SPEM2: variants seen among roughly 807,000 people sequenced by gnomAD.
SPEM2 encodes the protein uncharacterized protein SPEM2.
SPEM2 carries 15 observed loss-of-function variants against 9.3 expected under a neutral mutation model. The ratio of observed to expected loss-of-function variants is 1.62; its 90% CI spans 1.08 to 2.50. The LOEUF is 2.50. SPEM2 is among the 30% of genes most tolerant of loss of function. The pLI is 0.00. For missense variants in SPEM2, 678 were observed against 690.0 expected (o/e 0.98, Z 0.19); for synonymous variants, 268 against 272.4 (o/e 0.98, Z 0.16).
rs1438346222 is a variant in SPEM2 at position 7,426,870 on chromosome 17, C to A, written c.879C>A (p.Val293=). The A allele has an allele frequency of 2.7e-5, 44 of 1,612,792 alleles. No homozygotes were observed. Among genetic ancestry groups the A allele is most frequent in the Non-Finnish European group, 3.6e-5 (43 of 1,179,708 alleles). The change falls in exon 3 of 3, where the codon GTC becomes GTA. Residue 293 remains valine, a synonymous_variant. Transcript: ENST00000333870. This position sits in a 1 kb window ranked among gnomAD's most constrained non-coding sequence, Gnocchi z 5.3. ...GGCTGCCCCCTAACCCCTCTTGGGT[C>A]CCCGTGGGGCACAGCCCTTACCCCT... ...PHRLPPNPSW[V]PVGHSPYPSV... is the part of the protein sequence containing the mutation.
Position 7,426,545 on chromosome 17 carries a change from TGGA to T in SPEM2, c.564_566del (p.Glu188del), listed in dbSNP as rs566851338. The T allele has an allele frequency of 1.2e-3, 1,932 of 1,614,148 alleles. No individual in the cohort carries two copies. Among genetic ancestry groups the T allele is most frequent in the Admixed American group, 2.6e-3 (158 of 60,016 alleles). Reference sequence around the variant, plus strand: ...GATCAGGAGGACCCGGATTCCTACCTGGAGGAGGAGGACAACCTGCCCTTCCCG... The same window carrying T: ...GATCAGGAGGACCCGGATTCCTACCTGGAGGAGGACAACCTGCCCTTCCCG... On this transcript the variant is annotated inframe_deletion, in exon 3 of 3. Coordinates refer to ENST00000333870, the MANE Select transcript of SPEM2 (RefSeq NM_175734.5). This position sits in a 1 kb window ranked among gnomAD's most constrained non-coding sequence, Gnocchi z 5.3.
In SPEM2 at chr17:7,427,163, C is replaced by T. The variant is rs904698091; in HGVS notation, c.1172C>T (p.Ala391Val). 1.5e-5 allele frequency: 25 copies of T among 1,613,650 alleles called. No homozygotes were observed. Among genetic ancestry groups the T allele is most frequent in the Non-Finnish European group, 1.9e-5 (23 of 1,179,902 alleles). The change falls in exon 3 of 3, where the codon GCT (alanine) becomes GTT (valine). Residue 391 changes from alanine (A) to valine (V), a missense_variant. By Grantham distance (64) the Ala-to-Val change is moderately conservative. Coordinates refer to ENST00000333870, the MANE Select transcript of SPEM2 (RefSeq NM_175734.5). This position sits in a 1 kb window ranked among gnomAD's most constrained non-coding sequence, Gnocchi z 5.4. ...CGTCGGGCAGCTGACTGGGCTGAGG[C>T]TCTGCCCGCCTGGCGTCCTCTGACT... Reference protein sequence around the residue: ...VRRRAADWAEALPAWRPLTTS... With the variant: ...VRRRAADWAEVLPAWRPLTTS...
rs373604431 is a variant in SPEM2 at position 7,426,117 on chromosome 17, A to G, written c.196+67A>G. The G allele has an allele frequency of 2.4e-4, 383 of 1,613,350 alleles. 5 individuals carry two copies. The South Asian group carries it at 3.3e-3, about 14-fold the overall frequency. On this transcript the variant is annotated intron_variant, in intron 2 of 2. Transcript: ENST00000333870. This position sits in a 1 kb window ranked among gnomAD's most constrained non-coding sequence, Gnocchi z 5.3. Reference sequence around the variant, plus strand: ...CCCCTGACAATGGCCCTAGAAACCCAGGCCCCAGTGTTCCCAACCTTGAGC... The same window carrying G: ...CCCCTGACAATGGCCCTAGAAACCCGGGCCCCAGTGTTCCCAACCTTGAGC...
At chr17:7,425,913 G>C in intron 1 of SPEM2, 80 bp from the exon 2 acceptor site, 1 of 1,611,700 alleles carries the variant, frequency 6.2e-7, no homozygotes, top group Non-Finnish European at 8.5e-7. Flanking sequence ...CTGCAGGTGC[G>C]GTCTAGATTG....
Position 7,427,459 on chromosome 17 carries a change from C to A in SPEM2, c.1468C>A (p.Pro490Thr), listed in dbSNP as rs751504429. The A allele has an allele frequency of 1.3e-5, 21 of 1,600,110 alleles. No individual in the cohort carries two copies. The highest frequency in any genetic ancestry group is 1.7e-5 in the Admixed American group (1 of 59,258). ...LPPASTSTLR[P>T]SLHRSQTEKL... is the part of the protein sequence containing the mutation. ...ACCGGCTTCCACCTCCACCTTGAGG[C>A]CCTCTCTGCACAGGAGCCAGACCGA... is the stretch of plus-strand genomic sequence containing the variant. The change falls in exon 3 of 3, where the codon CCC (proline) becomes ACC (threonine). Residue 490 changes from proline (P) to threonine (T), a missense_variant. Coordinates refer to ENST00000333870, the MANE Select transcript of SPEM2 (RefSeq NM_175734.5). This position sits in a 1 kb window ranked among gnomAD's most constrained non-coding sequence, Gnocchi z 5.4.
At position 7,426,678 on chromosome 17, in the gene SPEM2, GC is replaced by G; in HGVS notation, c.689del (p.Pro230HisfsTer18). On this transcript the variant is annotated frameshift_variant, in exon 3 of 3. Transcript: ENST00000333870. LOFTEE classifies it low-confidence loss of function (END_TRUNC). This position sits in a 1 kb window ranked among gnomAD's most constrained non-coding sequence, Gnocchi z 5.3. ...GHQGGILASL[P>X]PPSLYLSPEL... ...ACCAGGGTGGTATCCTGGCCAGTCTGCCACCACCCTCTCTCTACCTGTCACC... is the reference window on the plus strand; with the variant it reads ...ACCAGGGTGGTATCCTGGCCAGTCTGCACCACCCTCTCTCTACCTGTCACC... 1 of 1,613,984 alleles carries G rather than the reference GC, an allele frequency of 6.2e-7. No individual in the cohort carries two copies. Among genetic ancestry groups the G allele is most frequent in the Non-Finnish European group, 8.5e-7 (1 of 1,179,998 alleles).
Position 7,427,477 on chromosome 17 carries a change from C to G in SPEM2, c.1486C>G (p.Gln496Glu), listed in dbSNP as rs1368402258. The G allele has an allele frequency of 1.9e-6, 3 of 1,578,368 alleles. No individual in the cohort carries two copies. Among genetic ancestry groups the G allele is most frequent in the Non-Finnish European group, 2.6e-6 (3 of 1,160,246 alleles). ...CTTGAGGCCCTCTCTGCACAGGAGC[C>G]AGACCGAGAAACTCAACTGACCAGC... ...STLRPSLHRS[Q>E]TEKLN The change falls in exon 3 of 3, where the codon CAG (glutamine) becomes GAG (glutamate). Residue 496 changes from glutamine (Q) to glutamate (E), a missense_variant. By Grantham distance (29) the Gln-to-Glu change is conservative (BLOSUM62 2). Coordinates refer to ENST00000333870, the MANE Select transcript of SPEM2 (RefSeq NM_175734.5). This position sits in a 1 kb window ranked among gnomAD's most constrained non-coding sequence, Gnocchi z 5.4.
In SPEM2 at chr17:7,426,741, G is replaced by T. The variant is rs1907624646; in HGVS notation, c.750G>T (p.Arg250Ser). 6.2e-7 allele frequency: 1 copy of T among 1,610,524 alleles called. No homozygotes were observed. Among genetic ancestry groups the T allele is most frequent in the Non-Finnish European group, 8.5e-7 (1 of 1,178,064 alleles). Residue 250 changes from arginine (R) to serine (S), a missense_variant, in exon 3 of 3, where the codon AGG (arginine) becomes AGT (serine). Physicochemically the swap from Arg to Ser is moderately radical, Grantham distance 110. Coordinates refer to ENST00000333870, the MANE Select transcript of SPEM2 (RefSeq NM_175734.5). This position sits in a 1 kb window ranked among gnomAD's most constrained non-coding sequence, Gnocchi z 5.3. The part of the protein sequence containing the change: ...LRCMPKRVEA[R>S]SELRLQSYGR... ...GCATGCCCAAGCGTGTAGAGGCCAGGTCTGAGCTGAGGCTGCAGTCCTATG... is the reference window on the plus strand; with the variant it reads ...GCATGCCCAAGCGTGTAGAGGCCAGTTCTGAGCTGAGGCTGCAGTCCTATG...
Position 7,425,657 on chromosome 17 carries a change from G to T in SPEM2, c.-32G>T. On this transcript the variant is annotated 5_prime_UTR_variant, in exon 1 of 3. Coordinates refer to ENST00000333870, the MANE Select transcript of SPEM2 (RefSeq NM_175734.5). ...GGGCCGGGGGTGGGGGGCAGAGGGG[G>T]GTGGCCCAGGTGGCCCTAGGACCCC... 6.2e-7 allele frequency: 1 copy of T among 1,606,276 alleles called. No homozygotes were observed. The highest frequency in any genetic ancestry group is 8.5e-7 in the Non-Finnish European group (1 of 1,175,854).
Position 7,427,009 on chromosome 17 carries a change from C to T in SPEM2, c.1018C>T (p.Arg340Trp), listed in dbSNP as rs569918028. ...RNARPEAQGC[R>W]EHHSPQSHQQ... ...CGCCCGGCCTGAGGCCCAGGGCTGC[C>T]GGGAGCACCACTCCCCACAGTCCCA... is the stretch of plus-strand genomic sequence containing the variant. The change falls in exon 3 of 3, where the codon CGG becomes TGG. Residue 340 changes from arginine (R) to tryptophan (W), a missense_variant. Coordinates refer to ENST00000333870, the MANE Select transcript of SPEM2 (RefSeq NM_175734.5). This position sits in a 1 kb window ranked among gnomAD's most constrained non-coding sequence, Gnocchi z 5.4. 172 of 1,611,482 alleles carry T rather than the reference C, an allele frequency of 1.1e-4. No individual in the cohort carries two copies. The South Asian group carries it at 1.4e-3, about 13-fold the overall frequency.
Position 7,426,893 on chromosome 17 carries a change from C to T in SPEM2, c.902C>T (p.Pro301Leu). 1 of 1,613,400 alleles carries T rather than the reference C, an allele frequency of 6.2e-7. No homozygotes were observed. The stretch of plus-strand genomic sequence containing the variant: ...GTCCCCGTGGGGCACAGCCCTTACC[C>T]CTCAGTGGGCTGGATGCTGTATGAC... ...SWVPVGHSPYPSVGWMLYDSW... is the reference protein window; with the variant it reads ...SWVPVGHSPYLSVGWMLYDSW... Residue 301 changes from proline to leucine, a missense_variant, in exon 3 of 3, where the codon CCC (proline) becomes CTC (leucine). Transcript: ENST00000333870. The surrounding 1 kb of genome is among the most constrained non-coding windows in gnomAD (Gnocchi z 5.3).
rs767671028 is a variant in SPEM2 at position 7,426,374 on chromosome 17, GCCGCCGCCA to G, written c.390_398del (p.His131_Arg133del). ...CTTCTTCGCTGTGTTCGTCGCCGCCGCCGCCGCCACCGCCGTTGTCGCCGTCGCTGCTGC... is the reference window on the plus strand; with the variant it reads ...CTTCTTCGCTGTGTTCGTCGCCGCCGCCGCCGTTGTCGCCGTCGCTGCTGC... On this transcript the variant is annotated inframe_deletion, in exon 3 of 3. Coordinates refer to ENST00000333870, the MANE Select transcript of SPEM2 (RefSeq NM_175734.5). The surrounding 1 kb of genome is among the most constrained non-coding windows in gnomAD (Gnocchi z 5.3). 1.9e-6 allele frequency: 3 copies of G among 1,613,326 alleles called. No homozygotes were observed. The African/African-American group carries it at 4.0e-5, about 22-fold the overall frequency.
chr17:7,427,365 C>T lies in SPEM2; in HGVS notation c.1374C>T (p.Tyr458=). 6.2e-7 allele frequency: 1 copy of T among 1,614,066 alleles called. No homozygotes were observed. Among genetic ancestry groups the T allele is most frequent in the Non-Finnish European group, 8.5e-7 (1 of 1,180,010 alleles). ...GGAATCCAGGGGGCAATGCCAACTA[C>T]CAGGTGTACGACAGCCTGGAGCTGA... The part of the protein sequence containing the change: ...LSRNPGGNAN[Y]QVYDSLELKR... The change falls in exon 3 of 3, where the codon TAC becomes TAT. Residue 458 remains tyrosine (Y), a synonymous_variant. Coordinates refer to ENST00000333870, the MANE Select transcript of SPEM2 (RefSeq NM_175734.5). The surrounding 1 kb of genome is among the most constrained non-coding windows in gnomAD (Gnocchi z 5.4).
In SPEM2 at chr17:7,426,222, TC is replaced by T; in HGVS notation, c.236del (p.Pro79GlnfsTer18). ...AGGCCAGTGAAAGTCCCCCAAGTGG[TC>T]CCCCAGACAAGGCTCAGGATGTCCA... Reference protein sequence around the residue: ...IQASESPPSGPPDKAQDVHIH... With the variant: ...IQASESPPSGXPDKAQDVHIH... On this transcript the variant is annotated frameshift_variant, in exon 3 of 3. Transcript: ENST00000333870. LOFTEE classifies it low-confidence loss of function (END_TRUNC). The surrounding 1 kb of genome is among the most constrained non-coding windows in gnomAD (Gnocchi z 5.3). The T allele has an allele frequency of 6.2e-7, 1 of 1,613,744 alleles. No homozygotes were observed. The highest frequency in any genetic ancestry group is 2.2e-5 in the East Asian group (1 of 44,870).
Position 7,427,318 on chromosome 17 carries a change from A to G in SPEM2, c.1327A>G (p.Thr443Ala). ...VQAADPAPPP[T>A]MFVPLSRNPG... ...GGCTGCGGACCCTGCCCCTCCCCCG[A>G]CCATGTTTGTCCCACTCAGCCGGAA... The change falls in exon 3 of 3, where the codon ACC becomes GCC. Residue 443 changes from threonine to alanine, a missense_variant. Coordinates refer to ENST00000333870, the MANE Select transcript of SPEM2 (RefSeq NM_175734.5). The surrounding 1 kb of genome is among the most constrained non-coding windows in gnomAD (Gnocchi z 5.4). 1 of 1,613,798 alleles carries G rather than the reference A, an allele frequency of 6.2e-7. No homozygotes were observed. Among genetic ancestry groups the G allele is most frequent in the Non-Finnish European group, 8.5e-7 (1 of 1,179,920 alleles).
chr17:7,427,371 G>A lies in SPEM2; in HGVS notation c.1380G>A (p.Val460=). ...RNPGGNANYQ[V]YDSLELKRQV... ...CAGGGGGCAATGCCAACTACCAGGT[G>A]TACGACAGCCTGGAGCTGAAGCGGC... The change falls in exon 3 of 3, where the codon GTG becomes GTA. Residue 460 remains valine (V), a synonymous_variant. Coordinates refer to ENST00000333870, the MANE Select transcript of SPEM2 (RefSeq NM_175734.5). The surrounding 1 kb of genome is among the most constrained non-coding windows in gnomAD (Gnocchi z 5.4). The A allele has an allele frequency of 6.2e-7, 1 of 1,614,078 alleles. No individual in the cohort carries two copies.
chr17:7,427,307 C>T lies in SPEM2; in HGVS notation c.1316C>T (p.Ala439Val), dbSNP rs1414435509. The change falls in exon 3 of 3, where the codon GCC becomes GTC. Residue 439 changes from alanine to valine, a missense_variant. Transcript: ENST00000333870. This position sits in a 1 kb window ranked among gnomAD's most constrained non-coding sequence, Gnocchi z 5.4. ...PWPKVQAADP[A>V]PPPTMFVPLS... ...CCCAAAGTCCAGGCTGCGGACCCTGCCCCTCCCCCGACCATGTTTGTCCCA... is the reference window on the plus strand; with the variant it reads ...CCCAAAGTCCAGGCTGCGGACCCTGTCCCTCCCCCGACCATGTTTGTCCCA... 3.1e-6 allele frequency: 5 copies of T among 1,613,900 alleles called. No homozygotes were observed. In the East Asian group the frequency reaches 8.9e-5, roughly 29 times the overall value.
Position 7,426,793 on chromosome 17 carries a change from T to G in SPEM2, c.802T>G (p.Trp268Gly). 6.2e-7 allele frequency: 1 copy of G among 1,603,896 alleles called. No individual in the cohort carries two copies. The highest frequency in any genetic ancestry group is 1.3e-5 in the African/African-American group (1 of 74,910). Residue 268 changes from tryptophan to glycine, a missense_variant, in exon 3 of 3, where the codon TGG (tryptophan) becomes GGG (glycine). By Grantham distance (184) the Trp-to-Gly change is radical. Coordinates refer to ENST00000333870, the MANE Select transcript of SPEM2 (RefSeq NM_175734.5). The surrounding 1 kb of genome is among the most constrained non-coding windows in gnomAD (Gnocchi z 5.3). ...GCGCCACGGTTCCCAATCCCGACTG[T>G]GGGGCAATGTGGAGGCTGAGCAGTG... ...YGRHGSQSRL[W>G]GNVEAEQWAS...
chr17:7,427,240 G>C lies in SPEM2; in HGVS notation c.1249G>C (p.Ala417Pro). The C allele has an allele frequency of 6.2e-7, 1 of 1,614,170 alleles. No homozygotes were observed. The highest frequency in any genetic ancestry group is 1.6e-4 in the Middle Eastern group (1 of 6,062). ...LDEASHQRTP[A>P]PSSVLVPHSS... ...CGAGGCCTCCCATCAACGGACCCCAGCTCCAAGCTCAGTGCTGGTCCCCCA... is the reference window on the plus strand; with the variant it reads ...CGAGGCCTCCCATCAACGGACCCCACCTCCAAGCTCAGTGCTGGTCCCCCA... Residue 417 changes from alanine to proline, a missense_variant, in exon 3 of 3, where the codon GCT becomes CCT. Coordinates refer to ENST00000333870, the MANE Select transcript of SPEM2 (RefSeq NM_175734.5). The surrounding 1 kb of genome is among the most constrained non-coding windows in gnomAD (Gnocchi z 5.4).
Sources: gnomAD v4.1 joint callset for allele counts on GRCh38, gnomAD v4.1.1 for gene constraint, Gnocchi (gnomAD v3.1) non-coding constraint, MANE v1.5 for transcripts, NCBI Gene and HGNC (gene_info 2026-07-23, HGNC 2026-07-21) for gene names.